Variants in PKIA observed in about 807,000 individuals in gnomAD.
PKIA encodes cAMP-dependent protein kinase inhibitor alpha, also known as PKI-alpha.
In PKIA, 4 loss-of-function variants were observed where a neutral mutation model predicts 7.6. The observed-to-expected ratio is 0.52, with a 90% CI of 0.26 to 1.20. The LOEUF is 1.20. PKIA is among the 50% of genes most tolerant of loss of function. The pLI, the probability that PKIA is intolerant of heterozygous loss-of-function variation, is 0.13. For synonymous variants in PKIA, 21 were observed against 30.7 expected (o/e 0.68, Z 1.04); for missense variants, 73 against 86.2 (o/e 0.85, Z 0.61).
chr8:78,517,884 G>T (rs945231987), intron 1 of PKIA, among the ~76,000 whole-genome samples: 3 of 152,132 alleles, frequency 2.0e-5, no homozygotes, highest in African/African-American at 7.2e-5. Context: ...TTTAAAGGAA[G>T]ATCTGTTATC....
At chr8:78,593,237 C>G (rs955299807) in intron 2 of PKIA, among the ~76,000 whole-genome samples, 1 of 152,172 alleles carries the variant, frequency 6.6e-6, no homozygotes, top group African/African-American at 2.4e-5. Flanking sequence ...ATTCTCCTGC[C>G]TCAGCCTCCT....
At chr8:78,590,865 C>G (rs1250187886) in intron 2 of PKIA, among the ~76,000 whole-genome samples, 1 of 151,930 alleles carries the variant, frequency 6.6e-6, no homozygotes, top group Non-Finnish European at 1.5e-5. Context: ...ATATCTGAGA[C>G]CAAAACAATT....
At chr8:78,572,130 C>T (rs1189160512) in intron 1 of PKIA, among the ~76,000 whole-genome samples, 3 of 151,964 alleles carry the variant, frequency 2.0e-5, no homozygotes, top group Admixed American at 6.6e-5. Context: ...AACCTTTTTG[C>T]ATAATTTGCT....
chr8:78,550,067 C>T (rs936391743), intron 1 of PKIA, among the ~76,000 whole-genome samples: 12 of 151,948 alleles, frequency 7.9e-5, no homozygotes, highest in Non-Finnish European at 1.2e-4. Context: ...TATTAAAGAA[C>T]AGAATTAAAC....
chr8:78,585,906 T>A (rs1194727459), intron 2 of PKIA, among the ~76,000 whole-genome samples: 1 of 152,200 alleles, frequency 6.6e-6, no homozygotes, highest in Non-Finnish European at 1.5e-5. Flanking sequence ...ATTCTTAGAC[T>A]TTCCACGTTG....
chr8:78,557,358 T>C (rs1807164970), intron 1 of PKIA, among the ~76,000 whole-genome samples: 1 of 152,072 alleles, frequency 6.6e-6, no homozygotes, highest in South Asian at 2.1e-4. Context: ...AGACATACTA[T>C]ATTATAGGAG....
At position 78,598,405 on chromosome 8, in the gene PKIA, A is replaced by G; in HGVS notation, c.21A>G (p.Thr7=). The change falls in exon 3 of 4, where the codon ACA becomes ACG. Residue 7 remains threonine, a synonymous_variant. Coordinates refer to ENST00000396418, the MANE Select transcript of PKIA (RefSeq NM_006823.4). ...TAGCAATGACTGATGTGGAAACTAC[A>G]TATGCAGATTTTATTGCTTCAGGAA... is the stretch of plus-strand genomic sequence containing the variant. MTDVET[T]YADFIASGRT... 6.2e-7 allele frequency: 1 copy of G among 1,612,056 alleles called. No individual in the cohort carries two copies.
chr8:78,578,522 T>G (rs1276701051), intron 2 of PKIA, among the ~76,000 whole-genome samples: 2 of 127,928 alleles, frequency 1.6e-5, no homozygotes. Context: ...AATCAATCAC[T>G]TGTAGTAGAA....
intron 1 of PKIA, among the ~76,000 whole-genome samples, chr8:78,547,292 A>G (rs1806848828): frequency 6.6e-6 from 1 of 151,846 alleles, no homozygotes; most frequent in African/African-American, 2.4e-5. Flanking sequence ...TTTATTAGAG[A>G]CGGGGTTTCA....
At chr8:78,529,156 A>C (rs774123841) in intron 1 of PKIA, among the ~76,000 whole-genome samples, 2 of 152,112 alleles carry the variant, frequency 1.3e-5, no homozygotes, top group Non-Finnish European at 2.9e-5. Flanking sequence ...AAAATGATTT[A>C]TTTTAGAACA....
At chr8:78,524,259 G>A (rs1809500047) in intron 1 of PKIA, among the ~76,000 whole-genome samples, 2 of 139,888 alleles carry the variant, frequency 1.4e-5, no homozygotes, top group African/African-American at 5.3e-5. Flanking sequence ...TATATATATG[G>A]GTTTCTACTT....
At chr8:78,570,006 T>G (rs1360178903) in intron 1 of PKIA, among the ~76,000 whole-genome samples, 1 of 151,934 alleles carries the variant, frequency 6.6e-6, no homozygotes, top group Non-Finnish European at 1.5e-5. Context: ...ATAGGCTTAG[T>G]GAAGAAGTGG....
At chr8:78,562,363 CAACA>C (rs1327150341) in intron 1 of PKIA, among the ~76,000 whole-genome samples, 2 of 152,098 alleles carry the variant, frequency 1.3e-5, no homozygotes, top group East Asian at 3.9e-4. Context: ...ATAGGAGACT[CAACA>C]GTCAAAGTAA....
chr8:78,558,807 T>A (rs1384965337), intron 1 of PKIA, among the ~76,000 whole-genome samples: 1 of 152,212 alleles, frequency 6.6e-6, no homozygotes, highest in Non-Finnish European at 1.5e-5. Context: ...TAAGCGATAC[T>A]TAAACCAGTG....
At chr8:78,518,355 C>T (rs1809354809) in intron 1 of PKIA, among the ~76,000 whole-genome samples, 1 of 152,148 alleles carries the variant, frequency 6.6e-6, no homozygotes. Flanking sequence ...TTTACTCAGT[C>T]ACATTAACTA....
At chr8:78,562,762 C>T (rs1171680589) in intron 1 of PKIA, among the ~76,000 whole-genome samples, 1 of 151,918 alleles carries the variant, frequency 6.6e-6, no homozygotes, top group Non-Finnish European at 1.5e-5. Flanking sequence ...ACTCTACCAC[C>T]CTCCCCCACC....
chr8:78,558,269 G>A (rs1330615276), intron 1 of PKIA, among the ~76,000 whole-genome samples: 1 of 152,108 alleles, frequency 6.6e-6, no homozygotes, highest in Non-Finnish European at 1.5e-5. Flanking sequence ...TGGCAGGGAT[G>A]GAATTCAAAC....
At chr8:78,523,241 A>G (rs1352068206) in intron 1 of PKIA, among the ~76,000 whole-genome samples, 1 of 151,950 alleles carries the variant, frequency 6.6e-6, no homozygotes, top group Non-Finnish European at 1.5e-5. Context: ...GACCCTAGAC[A>G]TGTCACAACT....
At chr8:78,581,251 A>C (rs1206820145) in intron 2 of PKIA, among the ~76,000 whole-genome samples, 1 of 152,118 alleles carries the variant, frequency 6.6e-6, no homozygotes, top group Non-Finnish European at 1.5e-5. Context: ...CCCCTGGGCA[A>C]ATCTCGAACA....
Sources: gnomAD v4.1 joint callset for allele counts (sites outside exome capture counted in the v4.1 genomes callset) on GRCh38, gnomAD v4.1.1 for gene constraint, MANE v1.5 for transcripts, NCBI Gene and HGNC (gene_info 2026-07-23, HGNC 2026-07-21) for gene names.